Variants in ADAMTS20 observed in about 807,000 individuals in gnomAD.
The protein encoded by ADAMTS20 is ADAM metallopeptidase with thrombospondin type 1 motif 20, also known as A disintegrin and metalloproteinase with thrombospondin motifs 20.
ADAMTS20 carries 225 observed loss-of-function variants against 260.1 expected under a neutral mutation model. The ratio of observed to expected loss-of-function variants is 0.87; its 90% CI spans 0.78 to 0.97. The LOEUF is 0.97. Ranked by LOEUF, ADAMTS20 falls within the 50% of genes least tolerant of loss-of-function variation. ADAMTS20 has a pLI of 0.00. For synonymous variants in ADAMTS20, 802 were observed against 769.5 expected (o/e 1.04, Z -0.70); for missense variants, 2,400 against 2,337.7 (o/e 1.03, Z -0.55).
chr12:43,452,487 A>G (rs758993344), intron 13 of ADAMTS20, 27 bp downstream of exon 13: 1 of 1,604,708 alleles, frequency 6.2e-7, no homozygotes, highest in African/African-American at 1.3e-5. Flanking sequence ...AAAAATTTAC[A>G]TCAAAGAACC....
At chr12:43,393,676 T>C (rs912361081) in intron 29 of ADAMTS20, among the ~76,000 whole-genome samples, 4 of 152,108 alleles carry the variant, frequency 2.6e-5, no homozygotes, top group Non-Finnish European at 4.4e-5. Context: ...GATAAGGTTT[T>C]GATTTCATTA....
rs2137472261 is a variant in ADAMTS20, at chr12:43,516,099, G to C, written c.614-13694C>G. ...ATTCAAGGGAGAAAACATTAGTCCT[G>C]AGGTCCAGTAGTCTGAGATGCTCGC... On this transcript the variant is annotated intron_variant, in intron 3 of 38. Coordinates refer to ENST00000389420, the MANE Select transcript of ADAMTS20 (RefSeq NM_025003.5). 2.0e-5 allele frequency among the ~76,000 whole-genome samples: 3 copies of C among 151,818 alleles called. 1 individual carries two copies. The Middle Eastern group carries it at 0.01, about 516-fold the overall frequency.
chr12:43,464,595 T>C lies in ADAMTS20; in HGVS notation c.1505A>G (p.His502Arg), dbSNP rs1353782125. 3 of 1,612,140 alleles carry C rather than the reference T, an allele frequency of 1.9e-6. No homozygotes were observed. The highest frequency in any genetic ancestry group is 1.3e-5 in the African/African-American group (1 of 74,958). ...AAAGGAATTTTCTTTTCTTACTATA[T>C]GGGGACACATTTGTGACCCAGGACC... ...AFGPGSQMCP[H>R]INICMHLWCT... Residue 502 changes from histidine to arginine, a missense_variant, in exon 10 of 39, where the codon CAT becomes CGT. By Grantham distance (29) the His-to-Arg change is conservative. Transcript: ENST00000389420.
At chr12:43,390,818 A>G (rs1455577023) in intron 29 of ADAMTS20, among the ~76,000 whole-genome samples, 1 of 152,174 alleles carries the variant, frequency 6.6e-6, no homozygotes, top group Non-Finnish European at 1.5e-5. Context: ...ATGGGCTTTT[A>G]CAAGAATAGC....
At chr12:43,494,245 A>G (rs1942645821) in intron 4 of ADAMTS20, among the ~76,000 whole-genome samples, 1 of 152,202 alleles carries the variant, frequency 6.6e-6, no homozygotes, top group Non-Finnish European at 1.5e-5. Flanking sequence ...AGAAATGTTC[A>G]GTATCTACTC....
At chr12:43,374,079 A>C (rs546106997) in intron 36 of ADAMTS20, among the ~76,000 whole-genome samples, 143 of 152,274 alleles carry the variant, frequency 9.4e-4, no homozygotes, top group Non-Finnish European at 1.8e-3. Flanking sequence ...CATTTTACAC[A>C]TGAGGGAACC....
chr12:43,389,846 G>A (rs1940561169), intron 29 of ADAMTS20, among the ~76,000 whole-genome samples: 1 of 152,096 alleles, frequency 6.6e-6, no homozygotes, highest in Admixed American at 6.5e-5. Flanking sequence ...CTCTGCCCTT[G>A]CAATGGCCCT....
intron 37 of ADAMTS20, among the ~76,000 whole-genome samples, chr12:43,357,977 C>T (rs976108401): frequency 3.9e-5 from 6 of 152,108 alleles, no homozygotes; most frequent in Non-Finnish European, 8.8e-5. Flanking sequence ...CTTAATCAAC[C>T]TGATACAGGT....
At chr12:43,471,740 T>C (rs370859915) in intron 7 of ADAMTS20, among the ~76,000 whole-genome samples, 145 of 142,984 alleles carry the variant, frequency 1.0e-3, no homozygotes, top group African/African-American at 2.3e-3. Flanking sequence ...ACACCTCACA[T>C]GGCAGGGTAT....
In ADAMTS20 at chr12:43,383,533, T is replaced by C; in HGVS notation, c.4797+25A>G. 1.9e-6 allele frequency: 3 copies of C among 1,571,156 alleles called. No homozygotes were observed. In the South Asian group the frequency reaches 3.6e-5, roughly 19 times the overall value. On this transcript the variant is annotated intron_variant, in intron 31 of 38. Transcript: ENST00000389420. ...AGCTGTTTTATCAAGGAGCAAAAAT[T>C]CTCAACTTCCTTTCTTTACCTTACC...
chr12:43,414,011 T>G (rs936336076), intron 28 of ADAMTS20, among the ~76,000 whole-genome samples: 1 of 152,168 alleles, frequency 6.6e-6, no homozygotes, highest in Non-Finnish European at 1.5e-5. Context: ...TGTATTTTTA[T>G]CCTCCATATC....
chr12:43,424,051 C>A (rs1308231947), intron 28 of ADAMTS20: 5 of 598,212 alleles, frequency 8.4e-6, no homozygotes, highest in Admixed American at 2.9e-5. Flanking sequence ...GGGTTTATAT[C>A]TTATTATAAA....
chr12:43,470,677 T>C (rs965839803), intron 7 of ADAMTS20, among the ~76,000 whole-genome samples: 3 of 152,168 alleles, frequency 2.0e-5, no homozygotes, highest in Non-Finnish European at 2.9e-5. Context: ...TCCTGAAGAA[T>C]GAAAATCATT....
At chr12:43,480,153 A>T (rs1259800926) in intron 7 of ADAMTS20, among the ~76,000 whole-genome samples, 1 of 152,160 alleles carries the variant, frequency 6.6e-6, no homozygotes, top group African/African-American at 2.4e-5. Context: ...CGCAAAGTAA[A>T]TCTTCTAGAC....
intron 2 of ADAMTS20, among the ~76,000 whole-genome samples, chr12:43,536,607 G>A (rs1016253834): frequency 3.3e-5 from 5 of 152,206 alleles, no homozygotes; most frequent in Non-Finnish European, 7.4e-5. Context: ...GGAGGTAGCC[G>A]TGGAAAATTC....
chr12:43,405,229 C>CAAAAAAAAAAAAA (rs869040570), intron 28 of ADAMTS20, among the ~76,000 whole-genome samples: 1 of 52,778 alleles, frequency 1.9e-5, no homozygotes, highest in Non-Finnish European at 3.2e-5. Flanking sequence ...CTCATCTCTA[C>CAAAAAAAAAAAAA]AAAAAAAAAA....
intron 27 of ADAMTS20, among the ~76,000 whole-genome samples, chr12:43,426,631 T>C (rs1383859259): frequency 1.3e-5 from 2 of 152,220 alleles, no homozygotes; most frequent in East Asian, 3.8e-4. Context: ...ATGAAGCAAG[T>C]GCTCAATAAC....
chr12:43,460,940 G>A (rs114095789), intron 11 of ADAMTS20, among the ~76,000 whole-genome samples: 1 of 128,032 alleles, frequency 7.8e-6, no homozygotes, highest in African/African-American at 2.9e-5. Flanking sequence ...AAGGAGAGTT[G>A]CCTAGATAAG....
chr12:43,415,832 G>T (rs1245299649), intron 28 of ADAMTS20, among the ~76,000 whole-genome samples: 1 of 151,998 alleles, frequency 6.6e-6, no homozygotes, highest in Non-Finnish European at 1.5e-5. Context: ...CATTTCTTTT[G>T]GTAAAGTCAA....
Sources: allele counts gnomAD v4.1 joint callset (sites outside exome capture counted in the v4.1 genomes callset), GRCh38; gene constraint gnomAD v4.1.1; transcripts MANE v1.5; gene names NCBI Gene and HGNC (gene_info 2026-07-23, HGNC 2026-07-21).